POC1B: variants seen among roughly 807,000 people sequenced by gnomAD.
POC1B encodes POC1 centriolar protein B.
POC1B carries 44 observed loss-of-function variants against 60.6 expected under a neutral mutation model. The observed-to-expected ratio is 0.73, with a 90% CI of 0.57 to 0.93. The LOEUF is 0.93. Among genes scored for constraint, POC1B ranks in the 40% least tolerant of loss-of-function variants. The pLI is 0.00. For synonymous variants in POC1B, 180 were observed against 198.9 expected (o/e 0.90, Z 0.80); for missense variants, 555 against 572.3 (o/e 0.97, Z 0.31).
At chr12:89,525,026 C>T (rs1436445570) in intron 2 of POC1B, 94 bp downstream of exon 2, 9 of 1,551,676 alleles carry the variant, frequency 5.8e-6, no homozygotes, top group Non-Finnish European at 7.9e-6. Flanking sequence ...AGGCCCTTAG[C>T]CGTTCTCCTA....
chr12:89,459,558 A>AT (rs935705521), intron 10 of POC1B, 80 bp downstream of exon 10: 1 of 836,044 alleles, frequency 1.2e-6, no homozygotes, highest in African/African-American at 1.8e-5. Context: ...CTCCCCCAAC[A>AT]TTTTTTAAAG....
At chr12:89,489,739 T>A (rs1868847036) in intron 4 of POC1B, among the ~76,000 whole-genome samples, 2 of 152,248 alleles carry the variant, frequency 1.3e-5, no homozygotes, top group East Asian at 3.9e-4. Context: ...GGGCCACAGT[T>A]TTCCCCTGCT....
In POC1B at chr12:89,525,900, G is replaced by A; in HGVS notation, c.-5C>T. 6.7e-7 allele frequency: 1 copy of A among 1,481,772 alleles called. No individual in the cohort carries two copies. Among genetic ancestry groups the A allele is most frequent in the Non-Finnish European group, 9.0e-7 (1 of 1,109,764 alleles). The allele number at this position is 1,481,772 out of a possible 1,614,324, so 91.8% of individuals were successfully genotyped here. A position where few individuals can be genotyped will look rare whatever the true frequency, so the allele number is the denominator to read the frequency against. ...CCTTACCGTGGCTGAGGCCATCGGG[G>A]GAGTGGTCGGCCCAAGGCTCCTGTG... is the stretch of plus-strand genomic sequence containing the variant. On this transcript the variant is annotated 5_prime_UTR_variant, in exon 1 of 12. Transcript: ENST00000313546.
intron 1 of POC1B, chr12:89,525,491 C>CAATG: frequency 7.6e-7 from 1 of 1,318,494 alleles, no homozygotes; most frequent in Non-Finnish European, 9.6e-7. Flanking sequence ...AATGCACGTT[C>CAATG]CCGGGCCCCG....
intron 2 of POC1B, chr12:89,519,269 T>C (rs1870648387): frequency 6.6e-6 from 1 of 152,178 alleles, no homozygotes. Context: ...CGTTGTAAAA[T>C]AATATGGGAA....
chr12:89,448,952 C>A (rs183093238), intron 10 of POC1B, among the ~76,000 whole-genome samples: 2 of 152,296 alleles, frequency 1.3e-5, no homozygotes, highest in African/African-American at 4.8e-5. Flanking sequence ...TCCACCTGCT[C>A]CCAAACTGGA....
At chr12:89,519,070 A>G (rs1870634082) in intron 2 of POC1B, among the ~76,000 whole-genome samples, 1 of 152,154 alleles carries the variant, frequency 6.6e-6, no homozygotes, top group African/African-American at 2.4e-5. Context: ...TATGTGGTTT[A>G]GAGGACAGAC....
intron 4 of POC1B, among the ~76,000 whole-genome samples, chr12:89,475,748 C>G (rs1018634355): frequency 2.0e-5 from 3 of 152,076 alleles, no homozygotes; most frequent in Admixed American, 1.3e-4. Context: ...TTAAAAACGT[C>G]TACAAAGTGT....
At chr12:89,482,688 A>G (rs1174362824) in intron 4 of POC1B, among the ~76,000 whole-genome samples, 1 of 152,174 alleles carries the variant, frequency 6.6e-6, no homozygotes, top group Non-Finnish European at 1.5e-5. Context: ...TGCTATAACA[A>G]AATACTGCAC....
At chr12:89,518,388 A>G (rs373185918) in intron 2 of POC1B, among the ~76,000 whole-genome samples, 7 of 152,370 alleles carry the variant, frequency 4.6e-5, no homozygotes, top group African/African-American at 9.6e-5. Flanking sequence ...AATACTAAAT[A>G]CTACTAGCCT....
At chr12:89,421,350 G>T in intron 11 of POC1B, 93 bp from the exon 12 acceptor site, 1 of 1,047,468 alleles carries the variant, frequency 9.5e-7, no homozygotes, top group Non-Finnish European at 1.4e-6. Context: ...TTTAAGAACT[G>T]GGATGCCCAC....
chr12:89,412,823 CT>C, the POC1B span, among the ~76,000 whole-genome samples: 2 of 122,576 alleles, frequency 1.6e-5, no homozygotes, highest in African/African-American at 7.8e-5. Flanking sequence ...TCCTTCCTTC[CT>C]TCCTTCCTTC....
chr12:89,451,749 C>G (rs1193629041), intron 10 of POC1B, among the ~76,000 whole-genome samples: 1 of 152,190 alleles, frequency 6.6e-6, no homozygotes, highest in Non-Finnish European at 1.5e-5. Context: ...TTGCTGACTA[C>G]TTTCACCAAA....
At chr12:89,412,807 G>GTTCCTTCCTTCCTTCC in the POC1B span, among the ~76,000 whole-genome samples, 660 of 127,532 alleles carry the variant, frequency 5.2e-3, 17 homozygotes, top group African/African-American at 0.019. Flanking sequence ...AGAAACACAT[G>GTTCCTTCCTTCCTTCC]TTCCTTCCTT....
intron 2 of POC1B, among the ~76,000 whole-genome samples, chr12:89,505,836 G>A (rs966701083): frequency 9.9e-5 from 15 of 152,214 alleles, no homozygotes; most frequent in African/African-American, 3.6e-4. Flanking sequence ...CAATCACGCA[G>A]TCAGGAGAAA....
intron 9 of POC1B, among the ~76,000 whole-genome samples, chr12:89,465,237 T>C (rs1882642252): frequency 6.6e-6 from 1 of 152,160 alleles, no homozygotes; most frequent in Non-Finnish European, 1.5e-5. Flanking sequence ...CTCCTTGACA[T>C]TTTAAAGAAA....
intron 10 of POC1B, chr12:89,427,764 C>G (rs902756141): frequency 6.6e-6 from 1 of 152,152 alleles, no homozygotes. Context: ...AGTATCACTT[C>G]GAGTTACTCA....
At chr12:89,501,270 T>C in intron 2 of POC1B, 1 of 1,109,646 alleles carries the variant, frequency 9.0e-7, no homozygotes, top group East Asian at 2.3e-5. Flanking sequence ...CTTTGACAGG[T>C]GAAACAGAAA....
rs1880716478 is a variant in POC1B, at chr12:89,425,288, A to C, written c.1205T>G (p.Leu402Trp). ...LNPSLMSPEC[L>W]PTTTKKKTED... is the part of the protein sequence containing the mutation. ...TGTTTTCTTTTTCGTGGTTGTTGGC[A>C]AACATTCTGGTGACATTAAGGAAGG... The change falls in exon 11 of 12, where the codon TTG becomes TGG. Residue 402 changes from leucine to tryptophan, a missense_variant. By Grantham distance (61) the Leu-to-Trp change is moderately conservative. Coordinates refer to ENST00000313546, the MANE Select transcript of POC1B (RefSeq NM_172240.3). 1.2e-6 allele frequency: 2 copies of C among 1,614,174 alleles called. No homozygotes were observed. Among genetic ancestry groups the C allele is most frequent in the African/African-American group, 2.7e-5 (2 of 75,038 alleles).
Sources: gnomAD v4.1 joint callset for allele counts (sites outside exome capture counted in the v4.1 genomes callset) on GRCh38, gnomAD v4.1.1 for gene constraint, MANE v1.5 for transcripts, NCBI Gene and HGNC (gene_info 2026-07-23, HGNC 2026-07-21) for gene names.